SRGAP2B: variants seen among roughly 807,000 people sequenced by gnomAD.
SRGAP2B encodes the protein SLIT-ROBO Rho GTPase activating protein 2B.
Under a neutral mutation model 22.2 loss-of-function variants are expected in SRGAP2B, and 9 were observed. That is an observed-to-expected ratio of 0.41 (90% CI 0.24 to 0.71). SRGAP2B has a LOEUF of 0.71. Among genes scored for constraint, SRGAP2B ranks in the 30% least tolerant of loss-of-function variants. The pLI is 0.35. For missense variants in SRGAP2B, 114 were observed against 235.8 expected, an observed-to-expected ratio of 0.48 and a Z score of 3.38; for synonymous variants, 36 against 87.4, an observed-to-expected ratio of 0.41 and a Z score of 3.28.
At chr1:144,925,258 G>A (rs1232469121) in intron 4 of SRGAP2B, among the ~76,000 whole-genome samples, 1 of 149,420 alleles carries the variant, frequency 6.7e-6, no homozygotes, top group Non-Finnish European at 1.5e-5. Context: ...GCCTGCCTCG[G>A]CCTCCGAAAG....
intron 2 of SRGAP2B, among the ~76,000 whole-genome samples, chr1:145,091,215 G>T (rs1571178449): frequency 1.1e-4 from 3 of 27,600 alleles, no homozygotes; most frequent in East Asian, 1.6e-3. Flanking sequence ...AACAGTTTAA[G>T]AATAGGATGT....
intron 2 of SRGAP2B, among the ~76,000 whole-genome samples, chr1:144,997,615 T>C (rs1553618707): frequency 6.7e-6 from 1 of 149,872 alleles, no homozygotes; most frequent in Non-Finnish European, 1.5e-5. Context: ...TACAAAGGAA[T>C]AGTTAGTTGG....
intron 2 of SRGAP2B, among the ~76,000 whole-genome samples, chr1:145,009,449 G>T (rs1468716631): frequency 1.4e-5 from 2 of 147,116 alleles, no homozygotes; most frequent in South Asian, 4.2e-4. Flanking sequence ...TTAGCCGGGC[G>T]TAGTGGCGGG....
At chr1:145,066,996 T>A (rs1651569320) in intron 2 of SRGAP2B, among the ~76,000 whole-genome samples, 1 of 148,074 alleles carries the variant, frequency 6.8e-6, no homozygotes, top group Non-Finnish European at 1.5e-5. Flanking sequence ...ATTTTTAAAA[T>A]TAGGAAACGA....
At chr1:144,941,423 T>C (rs1459072362) in intron 4 of SRGAP2B, among the ~76,000 whole-genome samples, 2 of 138,826 alleles carry the variant, frequency 1.4e-5, no homozygotes, top group Non-Finnish European at 3.1e-5. Context: ...AATCTATAAC[T>C]GGAAGTTTCA....
chr1:145,020,614 C>T (rs1207079321), intron 2 of SRGAP2B, among the ~76,000 whole-genome samples: 1 of 147,452 alleles, frequency 6.8e-6, no homozygotes, highest in Non-Finnish European at 1.5e-5. Flanking sequence ...GAAATGTTAA[C>T]TCACAGAGAT....
At chr1:145,062,988 G>A (rs1415361717) in intron 2 of SRGAP2B, among the ~76,000 whole-genome samples, 34 of 149,826 alleles carry the variant, frequency 2.3e-4, no homozygotes, top group African/African-American at 8.3e-4. Context: ...AGAGTAAGTC[G>A]TATTAACGAC....
rs1179146515 is a variant in SRGAP2B at position 145,039,560 on chromosome 1, T to G, written c.68-44360A>C. 1.7e-4 allele frequency among the ~76,000 whole-genome samples: 18 copies of G among 108,390 alleles called. 1 individual carries two copies. In the East Asian group the frequency reaches 5.5e-3, roughly 33 times the overall value. The allele number at this position is 108,390 out of a possible 152,430, so 71.1% of individuals were successfully genotyped here. On this transcript the variant is annotated intron_variant, in intron 2 of 9. Coordinates refer to ENST00000612199, the Ensembl canonical transcript of SRGAP2B. ...CAAATGTTCCAACCTTAGCAGAGAG[T>G]CTGGGAAGAAACCTCCACCACTGCC...
At chr1:144,996,082 A>ACT (rs1444026893) in intron 2 of SRGAP2B, among the ~76,000 whole-genome samples, 1 of 150,858 alleles carries the variant, frequency 6.6e-6, no homozygotes, top group Non-Finnish European at 1.5e-5. Context: ...GCTAGCAAAC[A>ACT]CTCTCTCTGG....
At chr1:145,017,767 G>T (rs1329278533) in intron 2 of SRGAP2B, among the ~76,000 whole-genome samples, 1 of 149,322 alleles carries the variant, frequency 6.7e-6, no homozygotes, top group Non-Finnish European at 1.5e-5. Flanking sequence ...TGCTTTCCCT[G>T]TCTTTAACAA....
In SRGAP2B at chr1:144,989,818, AC is replaced by A. The variant is rs1328326206; in HGVS notation, c.260+5189del. On this transcript the variant is annotated intron_variant, in intron 3 of 9. Transcript: ENST00000612199. ...TAAATACTTTCCTTCCACAACACTT[AC>A]CCCAACTTTAAATTACATATCTAAT... Among the ~76,000 whole-genome samples the A allele has an allele frequency of 6.3e-4, 82 of 129,270 alleles. 2 individuals carry two copies. In the East Asian group the frequency reaches 0.015, roughly 23 times the overall value. 84.8% of individuals were successfully genotyped at this position (129,270 alleles called of 152,430 possible).
In SRGAP2B at chr1:144,911,489, T is replaced by C. The variant is rs1663408961; in HGVS notation, c.486+3203A>G. Among the ~76,000 whole-genome samples, 16 of 149,224 alleles carry C rather than the reference T, an allele frequency of 1.1e-4. 2 individuals are homozygous for C. On this transcript the variant is annotated intron_variant, in intron 5 of 9. Transcript: ENST00000612199. The stretch of plus-strand genomic sequence containing the variant: ...TCCAGTTTCAGCACTGACAATTTCA[T>C]GTCCCAGGAAACTCTTCAGTACTAG...
intron 4 of SRGAP2B, among the ~76,000 whole-genome samples, chr1:144,925,659 G>GA (rs1212054174): frequency 8.1e-6 from 1 of 123,040 alleles, no homozygotes; most frequent in Non-Finnish European, 1.7e-5. Context: ...AAAAAAGAAA[G>GA]AAAAAAAAAG....
intron 3 of SRGAP2B, among the ~76,000 whole-genome samples, chr1:144,976,132 G>T (rs587699662): frequency 6.8e-6 from 1 of 147,096 alleles, no homozygotes. Flanking sequence ...GGCCCGCCTC[G>T]GCCTCCCAAA....
chr1:145,088,763 G>C (rs1653678724), intron 2 of SRGAP2B, among the ~76,000 whole-genome samples: 1 of 137,650 alleles, frequency 7.3e-6, no homozygotes, highest in Non-Finnish European at 1.6e-5. Context: ...CCAGCAACAA[G>C]CTAACAGGCT....
intron 2 of SRGAP2B, among the ~76,000 whole-genome samples, chr1:145,009,053 T>C (rs1225926938): frequency 6.9e-6 from 1 of 145,488 alleles, no homozygotes; most frequent in Non-Finnish European, 1.5e-5. Flanking sequence ...GGCGGGCGCC[T>C]GTAGTCCCAG....
intron 5 of SRGAP2B, among the ~76,000 whole-genome samples, chr1:144,908,338 T>A (rs1187535101): frequency 2.7e-5 from 4 of 149,984 alleles, no homozygotes; most frequent in Admixed American, 1.3e-4. Context: ...GTAACAAAAA[T>A]CAACAATTTA....
intron 2 of SRGAP2B, among the ~76,000 whole-genome samples, chr1:145,002,881 TG>T (rs1239957689): frequency 7.0e-6 from 1 of 143,568 alleles, no homozygotes; most frequent in Non-Finnish European, 1.5e-5. Flanking sequence ...GGAAGATCAG[TG>T]GGGAATCCCA....
At chr1:145,081,491 C>T (rs1487796163) in intron 2 of SRGAP2B, among the ~76,000 whole-genome samples, 2 of 149,724 alleles carry the variant, frequency 1.3e-5, no homozygotes, top group Non-Finnish European at 3.0e-5. Context: ...CAATCCAGCA[C>T]TTTCCCTTAG....
Sources: gnomAD v4.1 joint callset for allele counts (sites outside exome capture counted in the v4.1 genomes callset) on GRCh38, gnomAD v4.1.1 for gene constraint, MANE v1.5 for transcripts, NCBI Gene and HGNC (gene_info 2026-07-23, HGNC 2026-07-21) for gene names.